Variants in CFAP91 observed in about 807,000 individuals in gnomAD.
The protein encoded by CFAP91 is cilia and flagella associated protein 91.
In CFAP91, 85 loss-of-function variants were observed where a neutral mutation model predicts 95.9. The observed-to-expected ratio is 0.89, with a 90% CI of 0.74 to 1.06. The LOEUF is 1.06. Ranked by LOEUF, CFAP91 falls within the 50% of genes least tolerant of loss-of-function variation. CFAP91 has a pLI of 0.00. For synonymous variants in CFAP91, 335 were observed against 327.5 expected (o/e 1.02, Z -0.25); for missense variants, 962 against 943.4 (o/e 1.02, Z -0.26).
intron 6 of CFAP91, among the ~76,000 whole-genome samples, chr3:119,725,488 T>G (rs907714281): frequency 2.0e-5 from 3 of 152,236 alleles, no homozygotes; most frequent in African/African-American, 4.8e-5. Context: ...GCCAAGTGGC[T>G]CACACCTGTA....
Position 119,708,668 on chromosome 3 carries a change from T to G in CFAP91, c.437T>G (p.Phe146Cys), listed in dbSNP as rs1262657261. ...EVTGKNRYKY[F>C]ERPFLPFFQQ... is the part of the protein sequence containing the mutation. ...ACTGGAAAGAATCGCTATAAATACT[T>G]TGAAAGGTAGAACATAATTACTAAT... The change falls in exon 4 of 18, where the codon TTT becomes TGT. Residue 146 changes from phenylalanine to cysteine, a missense_variant. By Grantham distance (205) the Phe-to-Cys change is radical. Coordinates refer to ENST00000273390, the MANE Select transcript of CFAP91 (RefSeq NM_033364.4). The G allele has an allele frequency of 6.4e-7, 1 of 1,557,550 alleles. No homozygotes were observed. Among genetic ancestry groups the G allele is most frequent in the Non-Finnish European group, 8.8e-7 (1 of 1,135,558 alleles).
chr3:119,737,818 T>C (rs1446061941), intron 11 of CFAP91, among the ~76,000 whole-genome samples: 1 of 152,208 alleles, frequency 6.6e-6, no homozygotes, highest in Non-Finnish European at 1.5e-5. Flanking sequence ...CATGGAGAGA[T>C]GGCTGATGAC....
chr3:119,712,971 C>CA (rs200784810), intron 5 of CFAP91, among the ~76,000 whole-genome samples: 5,600 of 117,086 alleles, frequency 0.048, 413 homozygotes, highest in African/African-American at 0.17. Context: ...CAAAACAAGA[C>CA]AAAAAAAAAA....
Position 119,713,920 on chromosome 3 carries a change from T to A in CFAP91, c.501-1642T>A, listed in dbSNP as rs139679931. 9.2e-5 allele frequency among the ~76,000 whole-genome samples: 14 copies of A among 152,320 alleles called. No homozygotes were observed. In the East Asian group the frequency reaches 2.5e-3, roughly 27 times the overall value. On this transcript the variant is annotated intron_variant, in intron 5 of 17. Transcript: ENST00000273390. Reference sequence around the variant, plus strand: ...AGCTGCATAAATTCCATTATGGCTGTTTCATATTTTTTTAAACAATTCTCG... The same window carrying A: ...AGCTGCATAAATTCCATTATGGCTGATTCATATTTTTTTAAACAATTCTCG...
chr3:119,764,093 T>C (rs1299293778), intron 17 of CFAP91, among the ~76,000 whole-genome samples: 3 of 152,082 alleles, frequency 2.0e-5, no homozygotes, highest in East Asian at 1.9e-4. Context: ...CTGACAAATA[T>C]ATATAATCTT....
At position 119,730,328 on chromosome 3, in the gene CFAP91, G is replaced by T; in HGVS notation, c.969G>T (p.Gln323His). ...KHLNARWSKL[Q>H]EGKEAKMAKI... ...TGAATGCCCGGTGGTCTAAACTGCA[G>T]GAGGGAAAAGAGGCAAAAATGGCAA... is the stretch of plus-strand genomic sequence containing the variant. Residue 323 changes from glutamine to histidine, a missense_variant, in exon 8 of 18, where the codon CAG (glutamine) becomes CAT (histidine). Gln to His is a conservative substitution (Grantham distance 24, BLOSUM62 0). Transcript: ENST00000273390. 6.2e-7 allele frequency: 1 copy of T among 1,614,122 alleles called. No individual in the cohort carries two copies. The highest frequency in any genetic ancestry group is 1.3e-5 in the African/African-American group (1 of 75,018).
chr3:119,733,971 C>T (rs780019560), intron 10 of CFAP91, among the ~76,000 whole-genome samples: 1 of 152,162 alleles, frequency 6.6e-6, no homozygotes, highest in Non-Finnish European at 1.5e-5. Flanking sequence ...CGTCATCCAC[C>T]AGCTGGGCTT....
At chr3:119,736,318 C>T (rs1226090584) in intron 10 of CFAP91, among the ~76,000 whole-genome samples, 1 of 128,078 alleles carries the variant, frequency 7.8e-6, no homozygotes, top group Non-Finnish European at 1.5e-5. Context: ...GTTTGTCAGG[C>T]TGGAGGGCAG....
rs139205471 is a variant in CFAP91 at position 119,713,945 on chromosome 3, G to C, written c.501-1617G>C. ...TTTCATATTTTTTTAAACAATTCTC[G>C]TATTGATGTGATCATTTAAGTTTCT... On this transcript the variant is annotated intron_variant, in intron 5 of 17. Transcript: ENST00000273390. Among the ~76,000 whole-genome samples, 56 of 151,968 alleles carry C rather than the reference G, an allele frequency of 3.7e-4. No homozygotes were observed. The East Asian group carries it at 7.7e-3, about 21-fold the overall frequency.
chr3:119,717,737 C>T (rs545423189), intron 6 of CFAP91, among the ~76,000 whole-genome samples: 5 of 152,104 alleles, frequency 3.3e-5, no homozygotes, highest in Non-Finnish European at 7.4e-5. Context: ...CATGCATGCC[C>T]GTGATTACCC....
chr3:119,720,265 C>T (rs1353411221), intron 6 of CFAP91, among the ~76,000 whole-genome samples: 5 of 149,682 alleles, frequency 3.3e-5, no homozygotes, highest in Admixed American at 6.6e-5. Flanking sequence ...GGCGCGGTGG[C>T]GGGCGCCCGT....
intron 14 of CFAP91, 92 bp from the exon 15 acceptor site, chr3:119,747,023 A>G: frequency 1.0e-6 from 1 of 954,160 alleles, no homozygotes. Context: ...GAAATATATG[A>G]GCTAGAAAAA....
At chr3:119,738,331 TC>T (rs2054049569) in intron 11 of CFAP91, among the ~76,000 whole-genome samples, 7 of 116,966 alleles carry the variant, frequency 6.0e-5, no homozygotes, top group Admixed American at 9.7e-5. Flanking sequence ...TGACATATTG[TC>T]TTTTTTTTTT....
intron 6 of CFAP91, among the ~76,000 whole-genome samples, chr3:119,723,899 C>T (rs1462727142): frequency 6.6e-6 from 1 of 150,384 alleles, no homozygotes; most frequent in Non-Finnish European, 1.5e-5. Flanking sequence ...ATGGCTTATG[C>T]CTGTAATCCC....
intron 6 of CFAP91, among the ~76,000 whole-genome samples, chr3:119,719,457 A>G (rs916505132): frequency 1.3e-5 from 2 of 152,246 alleles, no homozygotes; most frequent in African/African-American, 2.4e-5. Flanking sequence ...GTGAAAAAGG[A>G]TGACACTGTA....
In CFAP91 at chr3:119,744,149, C is replaced by T; in HGVS notation, c.1855C>T (p.Gln619Ter). ...AGAGGCTGAAGAGAGTGGTCGGCGC[C>T]AGGTGGAAAAACAGCGCCTGCGGGA... The part of the protein sequence containing the change: ...VREAEESGRR[Q>*]VEKQRLREED... The change falls in exon 14 of 18, where the codon CAG becomes TAG. Residue 619 changes from glutamine (Q) to a stop codon, truncating the protein, a stop_gained. Transcript: ENST00000273390. LOFTEE classifies it high-confidence loss of function. 3.1e-6 allele frequency: 5 copies of T among 1,613,864 alleles called. No individual in the cohort carries two copies. The highest frequency in any genetic ancestry group is 3.4e-6 in the Non-Finnish European group (4 of 1,179,872).
At chr3:119,726,886 G>A (rs1023921052) in intron 7 of CFAP91, among the ~76,000 whole-genome samples, 1 of 147,804 alleles carries the variant, frequency 6.8e-6, no homozygotes, top group South Asian at 2.1e-4. Context: ...AGCTGATGGG[G>A]CATTTCCTAG....
chr3:119,766,420 C>G lies in CFAP91; in HGVS notation c.*1370C>G, dbSNP rs1161615299. On this transcript the variant is annotated 3_prime_UTR_variant, in exon 18 of 18. Transcript: ENST00000273390. ...TTTTTTTCCCCCTGAGGATCACTGA[C>G]AAAAAACACTGCACCAGTAAGGAAG... 6.6e-6 allele frequency: 1 copy of G among 151,758 alleles called. No homozygotes were observed. The highest frequency in any genetic ancestry group is 1.5e-5 in the Non-Finnish European group (1 of 67,942). 9.4% of individuals were successfully genotyped at this position (151,758 alleles called of 1,614,324 possible).
At chr3:119,726,675 A>C (rs1360475432) in intron 7 of CFAP91, among the ~76,000 whole-genome samples, 2 of 152,132 alleles carry the variant, frequency 1.3e-5, no homozygotes, top group African/African-American at 4.8e-5. Context: ...TATCTATCTT[A>C]ACTGTCACAG....
Sources: gnomAD v4.1 joint callset for allele counts (sites outside exome capture counted in the v4.1 genomes callset) on GRCh38, gnomAD v4.1.1 for gene constraint, MANE v1.5 for transcripts, NCBI Gene and HGNC (gene_info 2026-07-23, HGNC 2026-07-21) for gene names.